Variants in TNFRSF14 observed in about 807,000 individuals in gnomAD.
TNFRSF14 encodes TNF receptor superfamily member 14.
TNFRSF14 carries 18 observed loss-of-function variants against 34.1 expected under a neutral mutation model. That is an observed-to-expected ratio of 0.53 (90% confidence interval 0.36 to 0.78). The LOEUF is 0.78. Ranked by LOEUF, TNFRSF14 falls within the 30% of genes least tolerant of loss-of-function variation. The pLI is 0.00. For missense variants in TNFRSF14, 352 were observed against 379.5 expected (o/e 0.93, Z 0.60); for synonymous variants, 157 against 153.2 (o/e 1.02, Z -0.18).
At chr1:2,562,535 G>A (rs1344463237) in intron 6 of TNFRSF14, 2 of 496,490 alleles carry the variant, frequency 4.0e-6, no homozygotes, top group Non-Finnish European at 7.2e-6. Context: ...TGGTATGGTG[G>A]GCAGGGCCTC....
At chr1:2,556,237 G>T (rs1487422040), upstream of TNFRSF14, 7 of 464,234 alleles carry the variant, frequency 1.5e-5, no homozygotes, top group South Asian at 1.3e-4. Flanking sequence ...GGGAGCAGCC[G>T]AGGGTCCCTG....
At chr1:2,562,523 G>A (rs1416013873) in intron 6 of TNFRSF14, 2 of 467,428 alleles carry the variant, frequency 4.3e-6, no homozygotes, top group African/African-American at 4.0e-5. Flanking sequence ...CTGGGCACCT[G>A]CTGGTATGGT....
In TNFRSF14 at chr1:2,558,383, A is replaced by G. The variant is rs1219432951; in HGVS notation, c.219A>G (p.Thr73=). 6.2e-7 allele frequency: 1 copy of G among 1,612,496 alleles called. No individual in the cohort carries two copies. ...AGGCCTGCGGGGAGCTGACGGGCACAGTGTGTGAACCCTGCCCTCCAGGCA... is the reference window on the plus strand; with the variant it reads ...AGGCCTGCGGGGAGCTGACGGGCACGGTGTGTGAACCCTGCCCTCCAGGCA... ...VKEACGELTG[T]VCEPCPPGTY... The change falls in exon 3 of 8, where the codon ACA becomes ACG. Residue 73 remains threonine (T), a synonymous_variant. Transcript: ENST00000355716.
upstream of TNFRSF14, chr1:2,556,042 C>T (rs1269064818): frequency 3.9e-6 from 1 of 255,776 alleles, no homozygotes; most frequent in South Asian, 3.6e-5. Context: ...GGTAGGGGCA[C>T]TCTGGGCTTT....
intron 3 of TNFRSF14, chr1:2,559,455 T>G: frequency 1.4e-6 from 2 of 1,416,586 alleles, no homozygotes. Context: ...GGGAAACCCG[T>G]TTGCGGGGTG....
chr1:2,556,548 A>ATTCTAT lies in TNFRSF14; in HGVS notation c.-113_-112insATTTCT, dbSNP rs754566123. 9.8e-7 allele frequency: 1 copy of ATTCTAT among 1,020,990 alleles called. No individual in the cohort carries two copies. The highest frequency in any genetic ancestry group is 1.5e-6 in the Non-Finnish European group (1 of 665,536). The allele number at this position is 1,020,990 out of a possible 1,614,324, so 63.2% of individuals were successfully genotyped here. A position where few individuals can be genotyped will look rare whatever the true frequency, so the allele number is the denominator to read the frequency against. ...GGCACAGCTTGTCACACCGAGGCGG[A>ATTCTAT]TTCTCTTTCTCTTTCTCTTTCTCTT... On this transcript the variant is annotated 5_prime_UTR_variant, in exon 1 of 8. Coordinates refer to ENST00000355716, the MANE Select transcript of TNFRSF14 (RefSeq NM_003820.4).
At position 2,561,870 on chromosome 1, in the gene TNFRSF14, GCT is replaced by G; in HGVS notation, c.694+58_694+59del. 1 of 1,568,952 alleles carries G rather than the reference GCT, an allele frequency of 6.4e-7. No homozygotes were observed. Among genetic ancestry groups the G allele is most frequent in the East Asian group, 2.2e-5 (1 of 44,596 alleles). On this transcript the variant is annotated intron_variant, in intron 6 of 7. Coordinates refer to ENST00000355716, the MANE Select transcript of TNFRSF14 (RefSeq NM_003820.4). This position sits in a 1 kb window ranked among gnomAD's most constrained non-coding sequence, Gnocchi z 6.0. ...ATGTCCCCAGCCGTCACCTCTTGGAGCTCTGTCACCCCAAGCCTGGGAGGTGG... is the reference window on the plus strand; with the variant it reads ...ATGTCCCCAGCCGTCACCTCTTGGAGCTGTCACCCCAAGCCTGGGAGGTGG...
Position 2,558,480 on chromosome 1 carries a change from G to C in TNFRSF14, c.304+12G>C, listed in dbSNP as rs763831420. The C allele has an allele frequency of 3.7e-6, 6 of 1,612,302 alleles. No homozygotes were observed. Among genetic ancestry groups the C allele is most frequent in the Non-Finnish European group, 5.1e-6 (6 of 1,179,714 alleles). ...AATGTGTGACCCAGGTAAGAGGCCA[G>C]CACAGCCGGCCCAGCCTCCGCTTGG... On this transcript the variant is annotated intron_variant, in intron 3 of 7. Transcript: ENST00000355716.
upstream of TNFRSF14, chr1:2,556,226 G>A (rs1221128664): frequency 4.4e-6 from 2 of 451,034 alleles, no homozygotes; most frequent in East Asian, 4.2e-5. Context: ...TCAGCGCCCC[G>A]GGGAGCAGCC....
upstream of TNFRSF14, chr1:2,555,208 G>C (rs1045109340): frequency 2.0e-5 from 3 of 152,276 alleles, no homozygotes; most frequent in African/African-American, 7.2e-5. This position sits in a 1 kb window ranked among gnomAD's most constrained non-coding sequence, Gnocchi z 6.3. Context: ...CGTCCACCCT[G>C]GATGCTGGCC....
rs965626621 is a variant in TNFRSF14, at chr1:2,562,705, T to C, written c.695-160T>C. ...GGCTGGGCTAGCAGTCCCAACACAG[T>C]TGGCCTCCTCTGCTCTCAGAGAGGG... On this transcript the variant is annotated intron_variant, in intron 6 of 7. Coordinates refer to ENST00000355716, the MANE Select transcript of TNFRSF14 (RefSeq NM_003820.4). 1.6e-5 allele frequency: 15 copies of C among 940,686 alleles called. No homozygotes were observed. In the African/African-American group the frequency reaches 2.4e-4, roughly 15 times the overall value. 58.3% of individuals were successfully genotyped at this position (940,686 alleles called of 1,614,324 possible). A position where few individuals can be genotyped will look rare whatever the true frequency, so the allele number is the denominator to read the frequency against.
At chr1:2,555,124 G>A (rs1277801471), upstream of TNFRSF14, 1 of 152,320 alleles carries the variant, frequency 6.6e-6, no homozygotes, top group African/African-American at 2.4e-5. The surrounding 1 kb of genome is among the most constrained non-coding windows in gnomAD (Gnocchi z 6.3). Context: ...GCTCCTGCGT[G>A]TCTCTTGGGG....
Position 2,558,647 on chromosome 1 carries a change from C to T in TNFRSF14, c.304+179C>T, listed in dbSNP as rs1005928554. The T allele has an allele frequency of 5.5e-6, 7 of 1,270,394 alleles. No homozygotes were observed. The African/African-American group carries it at 9.0e-5, about 16-fold the overall frequency. The allele number at this position is 1,270,394 out of a possible 1,614,324, so 78.7% of individuals were successfully genotyped here. A position where few individuals can be genotyped will look rare whatever the true frequency, so the allele number is the denominator to read the frequency against. The stretch of plus-strand genomic sequence containing the variant: ...GACGCCTTGAGGTCAGCCTCCGGCC[C>T]CCGTCCACCTCTGTCTCACCTCTCA... On this transcript the variant is annotated intron_variant, in intron 3 of 7. Transcript: ENST00000355716.
chr1:2,558,175 G>T (rs1300125033), intron 2 of TNFRSF14, among the ~76,000 whole-genome samples, 168 bp from the exon 3 acceptor site: 1 of 152,238 alleles, frequency 6.6e-6, no homozygotes, highest in Non-Finnish European at 1.5e-5. Context: ...CCCCAGAGCA[G>T]CTCTGCTCAT....
rs1343155913 is a variant in TNFRSF14 at position 2,562,552 on chromosome 1, G to C, written c.695-313G>C. The C allele has an allele frequency of 5.5e-6, 3 of 542,576 alleles. No homozygotes were observed. The African/African-American group carries it at 5.8e-5, about 10-fold the overall frequency. The allele number at this position is 542,576 out of a possible 1,614,324, so 33.6% of individuals were successfully genotyped here. A position where few individuals can be genotyped will look rare whatever the true frequency, so the allele number is the denominator to read the frequency against. On this transcript the variant is annotated intron_variant, in intron 6 of 7. Transcript: ENST00000355716. ...GTATGGTGGGCAGGGCCTCTCCACTGTGAAGCGCTTGTTCCCCTCCCATAG... is the reference window on the plus strand; with the variant it reads ...GTATGGTGGGCAGGGCCTCTCCACTCTGAAGCGCTTGTTCCCCTCCCATAG...
rs1570590726 is a variant in TNFRSF14, at chr1:2,561,049, C to T, written c.551+335C>T. 3 of 375,970 alleles carry T rather than the reference C, an allele frequency of 8.0e-6. No homozygotes were observed. The highest frequency in any genetic ancestry group is 7.1e-4 in the Middle Eastern group (1 of 1,416). 23.3% of individuals were successfully genotyped at this position (375,970 alleles called of 1,614,324 possible). On this transcript the variant is annotated intron_variant, in intron 5 of 7. Transcript: ENST00000355716. This position sits in a 1 kb window ranked among gnomAD's most constrained non-coding sequence, Gnocchi z 6.0. ...CTGAATGTCAGGGCCATGGGAGGGC[C>T]CCTGGGCTTCAGGGGTTGGGGAAAG...
chr1:2,560,189 G>A (rs1644286841), intron 4 of TNFRSF14, among the ~76,000 whole-genome samples: 1 of 152,206 alleles, frequency 6.6e-6, no homozygotes, highest in Admixed American at 6.5e-5. Flanking sequence ...GGGCAAGGAA[G>A]GGCCACCCCA....
At chr1:2,558,734 G>A in intron 3 of TNFRSF14, 1 of 1,157,202 alleles carries the variant, frequency 8.6e-7, no homozygotes, top group Non-Finnish European at 1.2e-6. Flanking sequence ...CTCGTCCTTG[G>A]CTCCTCTGGT....
chr1:2,554,496 G>T (rs776521286), upstream of TNFRSF14, among the ~76,000 whole-genome samples: 8 of 152,108 alleles, frequency 5.3e-5, no homozygotes, highest in African/African-American at 1.9e-4. The surrounding 1 kb of genome is among the most constrained non-coding windows in gnomAD (Gnocchi z 4.2). Flanking sequence ...AGCAGGGAGC[G>T]GGGACAGGGC....
Sources: gnomAD v4.1 joint callset for allele counts (sites outside exome capture counted in the v4.1 genomes callset) on GRCh38, gnomAD v4.1.1 for gene constraint, Gnocchi (gnomAD v3.1) non-coding constraint, MANE v1.5 for transcripts, NCBI Gene and HGNC (gene_info 2026-07-23, HGNC 2026-07-21) for gene names.